CTNNA1: variants seen among roughly 807,000 people sequenced by gnomAD.
CTNNA1 encodes catenin alpha 1.
A neutral mutation model predicts 98.4 loss-of-function variants in CTNNA1; 37 were observed. The observed-to-expected ratio is 0.38, with a 90% CI of 0.29 to 0.49. CTNNA1 has a LOEUF of 0.49. CTNNA1 is among the 20% of genes least tolerant of loss of function. The pLI is 0.95. For missense variants in CTNNA1, 761 were observed against 1,147.2 expected, an observed-to-expected ratio of 0.66 and a Z score of 4.86; for synonymous variants, 404 against 413.2, an observed-to-expected ratio of 0.98 and a Z score of 0.27.
chr5:138,830,752 A>G (rs1761194111), intron 7 of CTNNA1, among the ~76,000 whole-genome samples: 1 of 152,180 alleles, frequency 6.6e-6, no homozygotes, highest in African/African-American at 2.4e-5. Context: ...GCACAATGTA[A>G]GAGGAGGAAT....
chr5:138,824,429 T>A (rs936585426), intron 5 of CTNNA1, 101 bp from the exon 6 acceptor site: 113 of 1,248,840 alleles, frequency 9.0e-5, no homozygotes, highest in Non-Finnish European at 1.2e-4. Flanking sequence ...ATGTGTCTAA[T>A]TAATAGAAAT....
At chr5:138,811,093 G>A (rs1166886073) in intron 4 of CTNNA1, among the ~76,000 whole-genome samples, 3 of 151,820 alleles carry the variant, frequency 2.0e-5, no homozygotes, top group African/African-American at 7.3e-5. Context: ...TGTGGTTGCC[G>A]GGCGGAGGGG....
intron 7 of CTNNA1, among the ~76,000 whole-genome samples, chr5:138,877,177 A>G (rs1234934723): frequency 6.6e-6 from 1 of 152,202 alleles, no homozygotes; most frequent in African/African-American, 2.4e-5. Flanking sequence ...AGGGAAGGAA[A>G]CAAGTCCTGG....
intron 7 of CTNNA1, among the ~76,000 whole-genome samples, chr5:138,837,886 A>G (rs1007003254): frequency 2.6e-5 from 4 of 152,098 alleles, no homozygotes; most frequent in Non-Finnish European, 5.9e-5. Flanking sequence ...AGCCTCCCAA[A>G]GTGCTGGGAT....
Position 138,933,864 on chromosome 5 carries a change from A to C in CTNNA1, c.2496A>C (p.Thr832=), listed in dbSNP as rs746009287. The C allele has an allele frequency of 6.2e-7, 1 of 1,614,074 alleles. No individual in the cohort carries two copies. Among genetic ancestry groups the C allele is most frequent in the Non-Finnish European group, 8.5e-7 (1 of 1,180,032 alleles). The change falls in exon 18 of 18, where the codon ACA becomes ACC. Residue 832 remains threonine, a synonymous_variant. Transcript: ENST00000302763. ...AKNLMNAVVQ[T]VKASYVASTK... ...ACTTGATGAATGCTGTGGTGCAGACAGTGAAGGCATCCTACGTCGCCTCTA... is the reference window on the plus strand; with the variant it reads ...ACTTGATGAATGCTGTGGTGCAGACCGTGAAGGCATCCTACGTCGCCTCTA...
chr5:138,920,592 G>T (rs1305323447), intron 11 of CTNNA1, among the ~76,000 whole-genome samples: 3 of 152,256 alleles, frequency 2.0e-5, no homozygotes, highest in South Asian at 2.1e-4. Context: ...GATGCACCCT[G>T]ACTTCTTGGA....
intron 10 of CTNNA1, among the ~76,000 whole-genome samples, chr5:138,910,785 CA>C (rs1760440018): frequency 6.6e-6 from 1 of 152,106 alleles, no homozygotes; most frequent in Non-Finnish European, 1.5e-5. Flanking sequence ...GAGAGAACAG[CA>C]AGTGCAAAAG....
In CTNNA1 at chr5:138,776,905, C is replaced by T. The variant is rs1322226989; in HGVS notation, c.-2-5018C>T. On this transcript the variant is annotated intron_variant, in intron 1 of 17. Transcript: ENST00000302763. ...GCGGCTGGCCGGGCAGGGGGCTGAC[C>T]CCCCCACCTCCCTCCCGGACGGGGC... is the stretch of plus-strand genomic sequence containing the variant. Among the ~76,000 whole-genome samples the T allele has an allele frequency of 3.0e-5, 4 of 131,794 alleles. 1 individual carries two copies. The highest frequency in any genetic ancestry group is 5.0e-5 in the Non-Finnish European group (3 of 60,078). 86.5% of individuals were successfully genotyped at this position (131,794 alleles called of 152,430 possible). A position where few individuals can be genotyped will look rare whatever the true frequency, so the allele number is the denominator to read the frequency against.
At chr5:138,755,838 T>G in intron 1 of CTNNA1, among the ~76,000 whole-genome samples, 1 of 139,578 alleles carries the variant, frequency 7.2e-6, no homozygotes, top group East Asian at 2.2e-4. Flanking sequence ...GGTTTTGGGA[T>G]TTCCTTCTTT....
At chr5:138,909,827 C>T (rs1312028521) in intron 10 of CTNNA1, among the ~76,000 whole-genome samples, 1 of 152,148 alleles carries the variant, frequency 6.6e-6, no homozygotes, top group African/African-American at 2.4e-5. Context: ...CTCAGGCTGG[C>T]CTGGCCCCTA....
intron 7 of CTNNA1, among the ~76,000 whole-genome samples, chr5:138,856,538 C>T (rs1479575254): frequency 3.3e-5 from 5 of 152,132 alleles, no homozygotes; most frequent in Non-Finnish European, 5.9e-5. Context: ...AATGGGGTCT[C>T]GTCGTGTTGC....
intron 3 of CTNNA1, among the ~76,000 whole-genome samples, chr5:138,792,065 G>A (rs1756441772): frequency 6.6e-6 from 1 of 152,028 alleles, no homozygotes; most frequent in African/African-American, 2.4e-5. Context: ...CTTAATTGAT[G>A]TTAATGGAGA....
At chr5:138,768,521 A>G (rs375552871) in intron 1 of CTNNA1, among the ~76,000 whole-genome samples, 12 of 149,624 alleles carry the variant, frequency 8.0e-5, no homozygotes, top group African/African-American at 2.2e-4. Flanking sequence ...TTGTCCTCCC[A>G]AAGTGCTGGG....
At chr5:138,836,885 T>A (rs1761828490) in intron 7 of CTNNA1, among the ~76,000 whole-genome samples, 1 of 152,264 alleles carries the variant, frequency 6.6e-6, no homozygotes, top group African/African-American at 2.4e-5. Flanking sequence ...CTATAAATTT[T>A]CTTTGATATT....
At chr5:138,915,930 T>A (rs188290793) in intron 10 of CTNNA1, among the ~76,000 whole-genome samples, 21 of 152,226 alleles carry the variant, frequency 1.4e-4, no homozygotes, top group Middle Eastern at 3.4e-3. Flanking sequence ...ACACCTGTAA[T>A]CCCAGCTACT....
chr5:138,764,622 C>T (rs952614407), intron 1 of CTNNA1, among the ~76,000 whole-genome samples: 3 of 151,742 alleles, frequency 2.0e-5, no homozygotes, highest in Admixed American at 2.0e-4. Flanking sequence ...CAGGCATGCA[C>T]CACCACGCCT....
intron 1 of CTNNA1, among the ~76,000 whole-genome samples, chr5:138,766,588 T>C (rs1752966134): frequency 6.6e-6 from 1 of 151,440 alleles, no homozygotes; most frequent in African/African-American, 2.4e-5. Context: ...AGGGGGTTAG[T>C]AGGGTGAGTG....
intron 3 of CTNNA1, among the ~76,000 whole-genome samples, chr5:138,785,939 T>A (rs988681528): frequency 9.9e-5 from 15 of 152,218 alleles, no homozygotes; most frequent in African/African-American, 3.6e-4. Context: ...TAATTTTAAT[T>A]TGACTTTATA....
At chr5:138,765,348 A>G (rs2940595) in intron 1 of CTNNA1, among the ~76,000 whole-genome samples, 104,747 of 151,504 alleles carry the variant, frequency 0.69, 36,323 homozygotes, top group East Asian at 0.93. Flanking sequence ...GCCCCAGCTA[A>G]TTTTCTTATT....
Sources: gnomAD v4.1 joint callset for allele counts (sites outside exome capture counted in the v4.1 genomes callset) on GRCh38, gnomAD v4.1.1 for gene constraint, MANE v1.5 for transcripts, NCBI Gene and HGNC (gene_info 2026-07-23, HGNC 2026-07-21) for gene names.